DENND5A: variants seen among roughly 807,000 people sequenced by gnomAD.
DENND5A encodes the protein DENN domain-containing protein 5A.
A neutral mutation model predicts 140.3 loss-of-function variants in DENND5A; 64 were observed. That is an observed-to-expected ratio of 0.46 (90% CI 0.37 to 0.56). The LOEUF (loss-of-function observed/expected upper bound fraction) is 0.56, where lower values mean the gene tolerates loss of function less well. DENND5A is among the 20% of genes least tolerant of loss of function. The pLI is 0.00. For missense variants in DENND5A, 1,292 were observed against 1,593.8 expected (o/e 0.81, Z 3.22); for synonymous variants, 605 against 607.7 (o/e 1.00, Z 0.07).
intron 1 of DENND5A, among the ~76,000 whole-genome samples, chr11:9,246,611 CAAA>C (rs369946476): frequency 1.6e-5 from 1 of 63,142 alleles, no homozygotes; most frequent in Non-Finnish European, 3.0e-5. Flanking sequence ...AACTAAGTCT[CAAA>C]AAAAAAAAAA....
At chr11:9,237,140 G>A (rs370662401) in intron 1 of DENND5A, among the ~76,000 whole-genome samples, 33 of 152,192 alleles carry the variant, frequency 2.2e-4, no homozygotes, top group Admixed American at 1.4e-3. Flanking sequence ...TGTTTGGGCC[G>A]GCACGGTGGC....
chr11:9,143,974 G>C (rs1847333515), intron 19 of DENND5A, 123 bp downstream of exon 19: 1 of 1,182,372 alleles, frequency 8.5e-7, no homozygotes. Context: ...GGCTTTGTTA[G>C]CAGAAGTGTT....
In DENND5A at chr11:9,236,291, G is replaced by C. The variant is rs1397114936; in HGVS notation, c.110-28659C>G. Among the ~76,000 whole-genome samples the C allele has an allele frequency of 2.0e-5, 3 of 151,816 alleles. No individual in the cohort carries two copies. In the South Asian group the frequency reaches 6.2e-4, roughly 32 times the overall value. On this transcript the variant is annotated intron_variant, in intron 1 of 22. Coordinates refer to ENST00000328194, the MANE Select transcript of DENND5A (RefSeq NM_015213.4). ...TCGTGCCTATAATCCCAGCACTTTGGGAGGCCGAGGCAGGCGTATCACCTG... is the reference window on the plus strand; with the variant it reads ...TCGTGCCTATAATCCCAGCACTTTGCGAGGCCGAGGCAGGCGTATCACCTG...
chr11:9,140,447 C>T (rs533363155), intron 22 of DENND5A, among the ~76,000 whole-genome samples: 11 of 152,232 alleles, frequency 7.2e-5, no homozygotes, highest in African/African-American at 2.4e-4. Context: ...GAATAAACTG[C>T]CTTAAGTTTA....
intron 11 of DENND5A, among the ~76,000 whole-genome samples, chr11:9,164,979 T>C (rs1848136954): frequency 6.6e-6 from 1 of 152,184 alleles, no homozygotes; most frequent in Non-Finnish European, 1.5e-5. Flanking sequence ...TTTTATTAAA[T>C]TAAAAACTAC....
chr11:9,191,646 G>T (rs1042207922), intron 5 of DENND5A, among the ~76,000 whole-genome samples: 8 of 152,168 alleles, frequency 5.3e-5, no homozygotes, highest in African/African-American at 1.4e-4. Flanking sequence ...GAAGCACATA[G>T]GGAACAACGT....
chr11:9,227,864 T>C (rs1448896170), intron 1 of DENND5A, among the ~76,000 whole-genome samples: 2 of 151,682 alleles, frequency 1.3e-5, no homozygotes, highest in Non-Finnish European at 1.5e-5. Flanking sequence ...TCCCAGCACT[T>C]TGGGAGGCCG....
intron 21 of DENND5A, 102 bp downstream of exon 21, chr11:9,142,620 T>C (rs1164926463): frequency 2.1e-6 from 3 of 1,424,992 alleles, no homozygotes; most frequent in Non-Finnish European, 2.9e-6. Flanking sequence ...AGTCACCTAA[T>C]TTGGGTTCTG....
intron 1 of DENND5A, among the ~76,000 whole-genome samples, chr11:9,254,771 C>T (rs1851874374): frequency 1.3e-5 from 2 of 152,028 alleles, no homozygotes; most frequent in Admixed American, 1.3e-4. Context: ...AATAAGAAGT[C>T]TTATTTAAAA....
chr11:9,262,740 A>T (rs1023590472), intron 1 of DENND5A, among the ~76,000 whole-genome samples: 5 of 149,302 alleles, frequency 3.3e-5, no homozygotes, highest in African/African-American at 9.8e-5. Flanking sequence ...CATCAAAATA[A>T]TTTTTTTTTT....
intron 4 of DENND5A, among the ~76,000 whole-genome samples, chr11:9,201,799 T>TA (rs1319954345): frequency 1.3e-5 from 2 of 151,182 alleles, no homozygotes; most frequent in African/African-American, 4.9e-5. Context: ...ATTCAAAAAA[T>TA]AAAAACTAAA....
intron 1 of DENND5A, 52 bp from the exon 2 acceptor site, chr11:9,207,684 AC>A (rs748593836): frequency 1.6e-5 from 21 of 1,298,018 alleles, no homozygotes; most frequent in Non-Finnish European, 2.3e-5. Context: ...TGTTATTCAA[AC>A]TTTTTTGACC....
chr11:9,187,820 G>A (rs1848970273), intron 5 of DENND5A, among the ~76,000 whole-genome samples: 1 of 152,168 alleles, frequency 6.6e-6, no homozygotes, highest in Non-Finnish European at 1.5e-5. Context: ...CTTGCTCAGG[G>A]CCAGCTGAGC....
rs1363619060 is a variant in DENND5A at position 9,139,404 on chromosome 11, G to A, written c.*267C>T. The A allele has an allele frequency of 2.1e-5, 9 of 432,396 alleles. No individual in the cohort carries two copies. The highest frequency in any genetic ancestry group is 8.6e-5 in the East Asian group (2 of 23,360). The allele number at this position is 432,396 out of a possible 1,614,324, so 26.8% of individuals were successfully genotyped here. Reference sequence around the variant, plus strand: ...CCTCAGGCTTCCAGCATGTGGCCACGGCGAGGGAGGGCACCAGCTTCAAAA... The same window carrying A: ...CCTCAGGCTTCCAGCATGTGGCCACAGCGAGGGAGGGCACCAGCTTCAAAA... On this transcript the variant is annotated 3_prime_UTR_variant, in exon 23 of 23. Coordinates refer to ENST00000328194, the MANE Select transcript of DENND5A (RefSeq NM_015213.4).
chr11:9,163,574 C>A (rs1322732073), intron 11 of DENND5A, among the ~76,000 whole-genome samples: 1 of 152,038 alleles, frequency 6.6e-6, no homozygotes, highest in Non-Finnish European at 1.5e-5. Flanking sequence ...GAGGCCGAGG[C>A]AGACAGATCA....
intron 1 of DENND5A, among the ~76,000 whole-genome samples, chr11:9,244,444 A>C (rs1851377378): frequency 6.6e-6 from 1 of 152,092 alleles, no homozygotes; most frequent in Non-Finnish European, 1.5e-5. Flanking sequence ...ATCTCAGCTC[A>C]CCGCAACCTC....
rs1171599889 is a variant in DENND5A, at chr11:9,207,623, T to A, written c.119A>T (p.Gln40Leu). The A allele has an allele frequency of 6.2e-7, 1 of 1,608,948 alleles. No individual in the cohort carries two copies. Among genetic ancestry groups the A allele is most frequent in the African/African-American group, 1.3e-5 (1 of 74,788 alleles). Residue 40 changes from glutamine (Q) to leucine (L), a missense_variant, in exon 2 of 23, where the codon CAG (glutamine) becomes CTG (leucine). Coordinates refer to ENST00000328194, the MANE Select transcript of DENND5A (RefSeq NM_015213.4). ...CCTGGCTTTAGAAGCCTGTATGTAC[T>A]GGCATAATGCTATATGATAAATGAA... ...LEPDELSALC[Q>L]YIQASKARDG...
intron 1 of DENND5A, among the ~76,000 whole-genome samples, chr11:9,214,915 G>A (rs1003642504): frequency 6.6e-6 from 1 of 152,022 alleles, no homozygotes; most frequent in Non-Finnish European, 1.5e-5. Flanking sequence ...GTAGGGATGG[G>A]GTTTTACCAC....
chr11:9,179,019 C>T lies in DENND5A; in HGVS notation c.1510G>A (p.Glu504Lys). 1 of 1,614,164 alleles carries T rather than the reference C, an allele frequency of 6.2e-7. No homozygotes were observed. The highest frequency in any genetic ancestry group is 8.5e-7 in the Non-Finnish European group (1 of 1,180,024). ...AGCTGGTAAATCCTGAGTTCTTCTT[C>T]ATCACACTGAACTTTGAGATCCTTA... Reference protein sequence around the residue: ...SNKDLKVQCDEEELRIYQLNI... With the variant: ...SNKDLKVQCDKEELRIYQLNI... The change falls in exon 7 of 23, where the codon GAA (glutamate) becomes AAA (lysine). Residue 504 changes from glutamate to lysine, a missense_variant. Coordinates refer to ENST00000328194, the MANE Select transcript of DENND5A (RefSeq NM_015213.4).
Sources: gnomAD v4.1 joint callset for allele counts (sites outside exome capture counted in the v4.1 genomes callset) on GRCh38, gnomAD v4.1.1 for gene constraint, MANE v1.5 for transcripts, NCBI Gene and HGNC (gene_info 2026-07-23, HGNC 2026-07-21) for gene names.